PTPRK: variants seen among roughly 807,000 people sequenced by gnomAD.
PTPRK encodes the protein protein tyrosine phosphatase receptor type K.
In PTPRK, 75 loss-of-function variants were observed where a neutral mutation model predicts 178.0. That is an observed-to-expected ratio of 0.42 (90% CI 0.35 to 0.51). The LOEUF (loss-of-function observed/expected upper bound fraction) is 0.51, where lower values mean the gene tolerates loss of function less well. Among genes scored for constraint, PTPRK ranks in the 20% least tolerant of loss-of-function variants. The probability of loss-of-function intolerance (pLI) is 0.02; values close to 1 mark genes in which losing one functional copy is unlikely to be tolerated. For synonymous variants in PTPRK, 637 were observed against 620.6 expected (o/e 1.03, Z -0.39); for missense variants, 1,441 against 1,797.8 (o/e 0.80, Z 3.59).
chr6:128,172,414 G>A (rs910623565), intron 7 of PTPRK, among the ~76,000 whole-genome samples: 1 of 151,750 alleles, frequency 6.6e-6, no homozygotes, highest in Non-Finnish European at 1.5e-5. Context: ...TATCTCCCCT[G>A]TGCTACTGAA....
intron 3 of PTPRK, among the ~76,000 whole-genome samples, chr6:128,302,973 T>C (rs930169561): frequency 6.8e-6 from 1 of 147,972 alleles, no homozygotes; most frequent in Non-Finnish European, 1.5e-5. Context: ...ACACAAAACA[T>C]ACACACTCAT....
intron 2 of PTPRK, among the ~76,000 whole-genome samples, chr6:128,390,868 T>C (rs1385455301): frequency 6.6e-6 from 1 of 152,156 alleles, no homozygotes; most frequent in Non-Finnish European, 1.5e-5. Flanking sequence ...AAGTGGTAGC[T>C]AATAGTAGTA....
chr6:128,105,470 G>A (rs1163789423), intron 7 of PTPRK, among the ~76,000 whole-genome samples: 2 of 152,162 alleles, frequency 1.3e-5, no homozygotes, highest in Admixed American at 1.3e-4. Flanking sequence ...TAAGTGTAGA[G>A]TAAGAAAGCG....
chr6:128,497,576 G>T (rs1854874049), intron 1 of PTPRK, among the ~76,000 whole-genome samples: 1 of 152,050 alleles, frequency 6.6e-6, no homozygotes, highest in Non-Finnish European at 1.5e-5. Flanking sequence ...AAAGTGAGAG[G>T]GTCACCCATT....
At chr6:128,097,985 CA>C (rs747022162) in intron 7 of PTPRK, among the ~76,000 whole-genome samples, 1 of 151,998 alleles carries the variant, frequency 6.6e-6, no homozygotes, top group African/African-American at 2.4e-5. Flanking sequence ...ATAGCAAAGA[CA>C]AAATTCTAAG....
At chr6:128,046,598 G>A (rs1778066456) in intron 13 of PTPRK, among the ~76,000 whole-genome samples, 1 of 152,122 alleles carries the variant, frequency 6.6e-6, no homozygotes, top group Non-Finnish European at 1.5e-5. Context: ...CCTTCAACGT[G>A]CAGCAGACTA....
At chr6:128,385,837 A>G (rs1426158118) in intron 2 of PTPRK, among the ~76,000 whole-genome samples, 1 of 152,232 alleles carries the variant, frequency 6.6e-6, no homozygotes, top group East Asian at 1.9e-4. Flanking sequence ...CAAGCTTCAG[A>G]GCTGATATCA....
intron 7 of PTPRK, among the ~76,000 whole-genome samples, chr6:128,107,699 A>G (rs1271757159): frequency 6.6e-6 from 1 of 152,242 alleles, no homozygotes; most frequent in Non-Finnish European, 1.5e-5. Context: ...TAAAAATGTA[A>G]CAAAAATATC....
rs376561573 is a variant in PTPRK at position 128,254,258 on chromosome 6, A to T, written c.496-11656T>A. 2.4e-3 allele frequency among the ~76,000 whole-genome samples: 359 copies of T among 152,274 alleles called. 1 individual carries two copies. The highest frequency in any genetic ancestry group is 3.9e-3 in the Non-Finnish European group (263 of 67,988). On this transcript the variant is annotated intron_variant, in intron 3 of 29. Transcript: ENST00000368226. ...TATTTTACAAGACAAATAGTCAAGA[A>T]CAGTGATATCATTAGCTATATAACG...
At chr6:127,990,171 T>A (rs1776443321) in intron 21 of PTPRK, among the ~76,000 whole-genome samples, 1 of 152,120 alleles carries the variant, frequency 6.6e-6, no homozygotes, top group African/African-American at 2.4e-5. Flanking sequence ...AGGCACCACT[T>A]ATCCAATTTT....
At chr6:128,114,750 T>G (rs1455952611) in intron 7 of PTPRK, among the ~76,000 whole-genome samples, 1 of 147,558 alleles carries the variant, frequency 6.8e-6, no homozygotes, top group East Asian at 2.0e-4. Flanking sequence ...TGATTCAAGA[T>G]GAGATTTGGG....
At chr6:127,991,268 A>T in intron 20 of PTPRK, 26 bp downstream of exon 20, 4 of 1,535,914 alleles carry the variant, frequency 2.6e-6, no homozygotes, top group Non-Finnish European at 3.5e-6. Context: ...TTTTTATGAC[A>T]AAAAAATTCT....
chr6:128,464,616 TATAC>T (rs1348586768), intron 1 of PTPRK, among the ~76,000 whole-genome samples: 4 of 94,492 alleles, frequency 4.2e-5, no homozygotes, highest in Non-Finnish European at 6.2e-5. Context: ...TATATATACA[TATAC>T]ATATATATAT....
intron 2 of PTPRK, among the ~76,000 whole-genome samples, chr6:128,360,866 T>A (rs1205251722): frequency 1.3e-5 from 2 of 152,150 alleles, no homozygotes; most frequent in Non-Finnish European, 2.9e-5. Context: ...TTAGTTTTAC[T>A]TATGTAAATA....
rs182982487 is a variant in PTPRK, at chr6:128,340,891, C to T, written c.224-18581G>A. ...ATATTAACTTTTAGCCACTGATCCA[C>T]GCTTTTGATAGACTAATAGATTTAA... On this transcript the variant is annotated intron_variant, in intron 2 of 29. Coordinates refer to ENST00000368226, the MANE Select transcript of PTPRK (RefSeq NM_002844.4). The T allele has an allele frequency of 5.8e-4, 203 of 352,940 alleles. 1 individual carries two copies. The highest frequency in any genetic ancestry group is 3.6e-3 in the African/African-American group (164 of 45,398). 21.9% of individuals were successfully genotyped at this position (352,940 alleles called of 1,614,324 possible). A position where few individuals can be genotyped will look rare whatever the true frequency, so the allele number is the denominator to read the frequency against.
chr6:128,098,590 C>T (rs1193699507), intron 7 of PTPRK, among the ~76,000 whole-genome samples: 3 of 152,078 alleles, frequency 2.0e-5, no homozygotes, highest in Non-Finnish European at 4.4e-5. Flanking sequence ...TTAATACGTG[C>T]CTGCTCTGTG....
At chr6:128,201,202 AC>A (rs1805884931) in intron 6 of PTPRK, among the ~76,000 whole-genome samples, 1 of 152,228 alleles carries the variant, frequency 6.6e-6, no homozygotes, top group South Asian at 2.1e-4. Flanking sequence ...CATTGAAAAC[AC>A]TTCCAAAATT....
rs142382863 is a variant in PTPRK at position 128,336,461 on chromosome 6, C to T, written c.224-14151G>A. On this transcript the variant is annotated intron_variant, in intron 2 of 29. Coordinates refer to ENST00000368226, the MANE Select transcript of PTPRK (RefSeq NM_002844.4). ...CAGATGTCCTTCCCCTACCCCAAGG[C>T]GCTGGGAAAATGGGAGGTAATTTTT... Among the ~76,000 whole-genome samples the T allele has an allele frequency of 3.0e-3, 462 of 152,196 alleles. 2 individuals carry two copies. The highest frequency in any genetic ancestry group is 0.011 in the African/African-American group (440 of 41,520).
At chr6:128,040,820 A>T (rs971511157) in intron 13 of PTPRK, among the ~76,000 whole-genome samples, 5 of 152,104 alleles carry the variant, frequency 3.3e-5, no homozygotes, top group Non-Finnish European at 7.4e-5. Context: ...TAAACCAAGC[A>T]GAAATGATAA....
Sources: allele counts gnomAD v4.1 joint callset (sites outside exome capture counted in the v4.1 genomes callset), GRCh38; gene constraint gnomAD v4.1.1; transcripts MANE v1.5; gene names NCBI Gene and HGNC (gene_info 2026-07-23, HGNC 2026-07-21).